Variants in STAC observed in about 807,000 individuals in gnomAD.
The protein encoded by STAC is SH3 and cysteine-rich domain-containing protein.
A neutral mutation model predicts 48.8 loss-of-function variants in STAC; 43 were observed. The ratio of observed to expected loss-of-function variants is 0.88; its 90% CI spans 0.69 to 1.14. The LOEUF (loss-of-function observed/expected upper bound fraction) is 1.14. STAC is among the 50% of genes most tolerant of loss of function. The pLI, the probability that STAC is intolerant of heterozygous loss-of-function variation, is 0.00. For missense variants in STAC, 497 were observed against 504.0 expected (o/e 0.99, Z 0.13); for synonymous variants, 193 against 179.5 (o/e 1.07, Z -0.60).
rs781123039 is a variant in STAC at position 36,505,853 on chromosome 3, GA to G, written c.920+27del. On this transcript the variant is annotated intron_variant, in intron 8 of 10. Transcript: ENST00000273183. ...AAATGAGGTAAAAACCTTCTGTAAA[GA>G]AAAAAAAGAGTAAAATTTTAAAGTC... 22 of 1,523,244 alleles carry G rather than the reference GA, an allele frequency of 1.4e-5. No homozygotes were observed. Among genetic ancestry groups the G allele is most frequent in the East Asian group, 6.8e-5 (3 of 44,068 alleles). 94.4% of individuals were successfully genotyped at this position (1,523,244 alleles called of 1,614,324 possible).
chr3:36,506,602 C>T (rs565931883), intron 8 of STAC, among the ~76,000 whole-genome samples: 1 of 152,152 alleles, frequency 6.6e-6, no homozygotes, highest in Admixed American at 6.5e-5. Context: ...CTCTTGTTTC[C>T]TTGAGCATTG....
At chr3:36,447,392 A>G (rs564667835) in intron 2 of STAC, among the ~76,000 whole-genome samples, 1 of 152,330 alleles carries the variant, frequency 6.6e-6, no homozygotes, top group East Asian at 1.9e-4. Flanking sequence ...ATGAAGTATA[A>G]AACACTCCCC....
chr3:36,439,005 C>G (rs536442485), intron 1 of STAC, among the ~76,000 whole-genome samples: 1 of 152,156 alleles, frequency 6.6e-6, no homozygotes, highest in Non-Finnish European at 1.5e-5. Context: ...CTTTCCTGCT[C>G]CACATCCTCA....
At position 36,380,760 on chromosome 3, in the gene STAC, G is replaced by T. The variant is rs367665582; in HGVS notation, c.111+6G>T. ...CCAGCAGCCAGGAATCCAAGGTACC[G>T]AGCACGCTTGCCCCCAAGAGAACAC... On this transcript the variant is annotated splice_donor_region_variant and intron_variant, in intron 1 of 10. Transcript: ENST00000273183. 1 of 1,604,120 alleles carries T rather than the reference G, an allele frequency of 6.2e-7. No homozygotes were observed.
At chr3:36,542,059 G>A (rs1186174313) in intron 10 of STAC, among the ~76,000 whole-genome samples, 16 of 151,994 alleles carry the variant, frequency 1.1e-4, no homozygotes, top group Non-Finnish European at 2.4e-4. Context: ...GATGGGAAGG[G>A]AAAGGAGGAA....
intron 8 of STAC, among the ~76,000 whole-genome samples, chr3:36,523,236 T>C (rs1698848509): frequency 1.3e-5 from 2 of 152,342 alleles, no homozygotes; most frequent in African/African-American, 4.8e-5. Flanking sequence ...CTTTCACCAT[T>C]TCAAGAGTTC....
chr3:36,421,898 G>C (rs1035788491), intron 1 of STAC, among the ~76,000 whole-genome samples: 1 of 151,762 alleles, frequency 6.6e-6, no homozygotes, highest in Non-Finnish European at 1.5e-5. Flanking sequence ...TTCTAATCTA[G>C]TTTGGTCATC....
chr3:36,531,430 T>C (rs1228878781), intron 10 of STAC, among the ~76,000 whole-genome samples: 1 of 152,156 alleles, frequency 6.6e-6, no homozygotes, highest in Non-Finnish European at 1.5e-5. Context: ...TATTATGGAA[T>C]TGGAATAGTG....
intron 1 of STAC, among the ~76,000 whole-genome samples, chr3:36,432,684 CAG>C (rs1700734289): frequency 1.3e-5 from 2 of 150,080 alleles, no homozygotes; most frequent in South Asian, 4.2e-4. Context: ...GTCTGGGTGA[CAG>C]AGTGAGACTC....
chr3:36,416,392 G>A (rs1559483162), intron 1 of STAC, among the ~76,000 whole-genome samples: 1 of 152,216 alleles, frequency 6.6e-6, no homozygotes, highest in Non-Finnish European at 1.5e-5. Flanking sequence ...AGGATTGCTT[G>A]AGCCCATGAG....
chr3:36,448,912 C>G lies in STAC; in HGVS notation c.388+5272C>G, dbSNP rs202193083. On this transcript the variant is annotated intron_variant, in intron 2 of 10. Transcript: ENST00000273183. ...GGGCAAAACAGTGAACCCCCCCCCCCACTCCCGACCCAGTCTCTAAAAAAA... is the reference window on the plus strand; with the variant it reads ...GGGCAAAACAGTGAACCCCCCCCCCGACTCCCGACCCAGTCTCTAAAAAAA... Among the ~76,000 whole-genome samples the G allele has an allele frequency of 4.0e-3, 504 of 127,398 alleles. 6 individuals are homozygous for G. The highest frequency in any genetic ancestry group is 9.4e-3 in the Admixed American group (117 of 12,420). The allele number at this position is 127,398 out of a possible 152,430, so 83.6% of individuals were successfully genotyped here. A position where few individuals can be genotyped will look rare whatever the true frequency, so the allele number is the denominator to read the frequency against.
chr3:36,486,498 TC>T (rs1435185822), intron 5 of STAC, among the ~76,000 whole-genome samples: 1 of 152,160 alleles, frequency 6.6e-6, no homozygotes, highest in Non-Finnish European at 1.5e-5. Flanking sequence ...CCTTGACCCT[TC>T]CCATGGACCC....
Position 36,489,913 on chromosome 3 carries a change from A to G in STAC, c.688-3238A>G, listed in dbSNP as rs566919691. On this transcript the variant is annotated intron_variant, in intron 5 of 10. Transcript: ENST00000273183. ...TGGTCTCCGGATCTGCAGCATCAGCATCACCTGGAAACTTGTTAGAAATGC... is the reference window on the plus strand; with the variant it reads ...TGGTCTCCGGATCTGCAGCATCAGCGTCACCTGGAAACTTGTTAGAAATGC... Among the ~76,000 whole-genome samples the G allele has an allele frequency of 7.9e-5, 12 of 152,344 alleles. No homozygotes were observed. The East Asian group carries it at 2.3e-3, about 29-fold the overall frequency.
intron 1 of STAC, among the ~76,000 whole-genome samples, chr3:36,394,249 A>G (rs1206746946): frequency 6.6e-6 from 1 of 152,192 alleles, no homozygotes; most frequent in African/African-American, 2.4e-5. Flanking sequence ...CACTAGCCAT[A>G]TTTCAAGTAC....
At position 36,412,972 on chromosome 3, in the gene STAC, T is replaced by C. The variant is rs143547171; in HGVS notation, c.112-30392T>C. Among the ~76,000 whole-genome samples the C allele has an allele frequency of 1.5e-4, 23 of 152,324 alleles. No homozygotes were observed. In the East Asian group the frequency reaches 3.9e-3, roughly 26 times the overall value. On this transcript the variant is annotated intron_variant, in intron 1 of 10. Coordinates refer to ENST00000273183, the MANE Select transcript of STAC (RefSeq NM_003149.3). ...AGGAGCAGGTTGTTCAGTTTCCATG[T>C]AGTTGAGCAGTTTTGAGTGAGTTTC... is the stretch of plus-strand genomic sequence containing the variant.
intron 6 of STAC, among the ~76,000 whole-genome samples, chr3:36,495,363 C>A (rs1444178368): frequency 6.6e-6 from 1 of 152,156 alleles, no homozygotes; most frequent in Non-Finnish European, 1.5e-5. Flanking sequence ...GTTAACCTAC[C>A]CAAACTTTAC....
At chr3:36,488,093 A>G (rs1440805214) in intron 5 of STAC, among the ~76,000 whole-genome samples, 2 of 152,166 alleles carry the variant, frequency 1.3e-5, no homozygotes, top group East Asian at 3.9e-4. Flanking sequence ...TCTATATTTT[A>G]ATTCATTTAA....
chr3:36,488,453 T>C (rs1697875256), intron 5 of STAC, among the ~76,000 whole-genome samples: 1 of 152,206 alleles, frequency 6.6e-6, no homozygotes, highest in Non-Finnish European at 1.5e-5. Flanking sequence ...TGTGTCCTCC[T>C]GTAACTCCTT....
At chr3:36,426,573 CT>C (rs1443575724) in intron 1 of STAC, among the ~76,000 whole-genome samples, 1 of 152,026 alleles carries the variant, frequency 6.6e-6, no homozygotes, top group African/African-American at 2.4e-5. Context: ...CTGTTAGCTA[CT>C]TTTTTCAAGC....
Sources: allele counts gnomAD v4.1 joint callset (sites outside exome capture counted in the v4.1 genomes callset), GRCh38; gene constraint gnomAD v4.1.1; transcripts MANE v1.5; gene names NCBI Gene and HGNC (gene_info 2026-07-23, HGNC 2026-07-21).